Variants in ASTN1 observed in about 807,000 individuals in gnomAD.
ASTN1 encodes astrotactin 1.
In ASTN1, 41 loss-of-function variants were observed where a neutral mutation model predicts 140.7. That is an observed-to-expected ratio of 0.29 (90% CI 0.23 to 0.38). The LOEUF is 0.38. ASTN1 is among the 10% of genes least tolerant of loss of function. The pLI, the probability that ASTN1 is intolerant of heterozygous loss-of-function variation, is 1.00. For missense variants in ASTN1, 1,479 were observed against 1,678.8 expected (o/e 0.88, Z 2.08); for synonymous variants, 640 against 652.2 (o/e 0.98, Z 0.29).
Position 177,149,319 on chromosome 1 carries a change from GTA to G in ASTN1, c.283+15073_283+15074del, listed in dbSNP as rs1166727822. Among the ~76,000 whole-genome samples, 21 of 73,976 alleles carry G rather than the reference GTA, an allele frequency of 2.8e-4. No homozygotes were observed. In the Admixed American group the frequency reaches 3.1e-3, roughly 11 times the overall value. 48.5% of individuals were successfully genotyped at this position (73,976 alleles called of 152,430 possible). A position where few individuals can be genotyped will look rare whatever the true frequency, so the allele number is the denominator to read the frequency against. Reference sequence around the variant, plus strand: ...TATATATATAGTAAATATATATATAGTATATATATAGTAAATATATATATAGT... The same window carrying G: ...TATATATATAGTAAATATATATATAGTATATATAGTAAATATATATATAGT... On this transcript the variant is annotated intron_variant, in intron 1 of 22. Transcript: ENST00000361833.
chr1:176,921,977 T>G (rs1670743608), intron 16 of ASTN1, among the ~76,000 whole-genome samples: 1 of 152,202 alleles, frequency 6.6e-6, no homozygotes, highest in African/African-American at 2.4e-5. Context: ...ATTAACTGAC[T>G]GCTTGCTAGA....
chr1:177,149,361 TATATATATAGTATATATAGTAA>T lies in ASTN1; in HGVS notation c.283+15011_283+15032del, dbSNP rs1682897632. The stretch of plus-strand genomic sequence containing the variant: ...ATATATATAGTATATATATAGTAAA[TATATATATAGTATATATAGTAA>T]ATATATATAGTATATATATAGTAAA... On this transcript the variant is annotated intron_variant, in intron 1 of 22. Coordinates refer to ENST00000361833, the MANE Select transcript of ASTN1 (RefSeq NM_004319.3). Among the ~76,000 whole-genome samples, 5 of 78,640 alleles carry T rather than the reference TATATATATAGTATATATAGTAA, an allele frequency of 6.4e-5. 1 individual carries two copies. Among genetic ancestry groups the T allele is most frequent in the African/African-American group, 2.1e-4 (3 of 14,004 alleles). The allele number at this position is 78,640 out of a possible 152,430, so 51.6% of individuals were successfully genotyped here.
At chr1:177,026,644 C>T (rs925772006) in intron 5 of ASTN1, among the ~76,000 whole-genome samples, 1 of 152,166 alleles carries the variant, frequency 6.6e-6, no homozygotes, top group African/African-American at 2.4e-5. Flanking sequence ...CAAGGGTTCC[C>T]TTTTCTCCAC....
chr1:176,875,728 T>G (rs1668533341), intron 21 of ASTN1, among the ~76,000 whole-genome samples: 1 of 152,218 alleles, frequency 6.6e-6, no homozygotes, highest in South Asian at 2.1e-4. Context: ...TTGCACAACC[T>G]AAAACTTTCA....
chr1:177,017,807 CCCT>C (rs1675634318), intron 7 of ASTN1, among the ~76,000 whole-genome samples: 1 of 152,146 alleles, frequency 6.6e-6, no homozygotes, highest in Non-Finnish European at 1.5e-5. Flanking sequence ...GTGCTTGGTA[CCCT>C]GACAGTAGAC....
chr1:176,922,182 AC>A (rs988637348), intron 16 of ASTN1, among the ~76,000 whole-genome samples: 1 of 152,126 alleles, frequency 6.6e-6, no homozygotes, highest in Admixed American at 6.5e-5. Context: ...ACACAAAACT[AC>A]TAATGTTATC....
intron 21 of ASTN1, among the ~76,000 whole-genome samples, chr1:176,871,922 T>C (rs989738223): frequency 1.3e-5 from 2 of 152,074 alleles, no homozygotes; most frequent in Admixed American, 6.5e-5. Context: ...CAGGTGAAAA[T>C]ATGGCAAAGA....
chr1:176,915,362 C>T (rs1670435998), intron 16 of ASTN1, among the ~76,000 whole-genome samples: 1 of 152,152 alleles, frequency 6.6e-6, no homozygotes, highest in African/African-American at 2.4e-5. Context: ...GTTTGATGAT[C>T]AGGCAAGCAC....
At chr1:176,987,129 G>A (rs942336062) in intron 8 of ASTN1, among the ~76,000 whole-genome samples, 2 of 152,156 alleles carry the variant, frequency 1.3e-5, no homozygotes, top group Non-Finnish European at 2.9e-5. Flanking sequence ...CTCACAACAA[G>A]CAATTACCAA....
intron 18 of ASTN1, among the ~76,000 whole-genome samples, chr1:176,885,423 A>G (rs1199582667): frequency 6.6e-6 from 1 of 152,110 alleles, no homozygotes; most frequent in Non-Finnish European, 1.5e-5. Context: ...GATTTCTTGT[A>G]TGTGCCTCAG....
At chr1:177,163,509 A>G (rs2102272417) in intron 1 of ASTN1, among the ~76,000 whole-genome samples, 1 of 152,290 alleles carries the variant, frequency 6.6e-6, no homozygotes, top group South Asian at 2.1e-4. Context: ...GGGTTCCAGT[A>G]CCTGAAGTGA....
intron 5 of ASTN1, among the ~76,000 whole-genome samples, chr1:177,026,245 T>G (rs929936843): frequency 2.0e-5 from 3 of 152,148 alleles, no homozygotes; most frequent in Non-Finnish European, 2.9e-5. Flanking sequence ...TATCCTTTCA[T>G]AATACAGTCT....
intron 13 of ASTN1, among the ~76,000 whole-genome samples, chr1:176,945,357 A>G (rs1671908690): frequency 6.6e-6 from 1 of 152,242 alleles, no homozygotes; most frequent in South Asian, 2.1e-4. Flanking sequence ...TTCATTCAAT[A>G]TTAACATATT....
intron 1 of ASTN1, among the ~76,000 whole-genome samples, chr1:177,141,147 C>T (rs188468468): frequency 4.7e-3 from 723 of 152,216 alleles, no homozygotes; most frequent in Non-Finnish European, 7.9e-3. Context: ...ACCTGGAAGG[C>T]GGAGGTTGCA....
intron 2 of ASTN1, among the ~76,000 whole-genome samples, chr1:177,058,906 T>A (rs574821210): frequency 6.6e-6 from 1 of 151,582 alleles, no homozygotes; most frequent in Admixed American, 6.6e-5. Context: ...GATGGTAGGG[T>A]GCTTCCTACA....
At chr1:177,049,123 C>G (rs527728625) in intron 2 of ASTN1, among the ~76,000 whole-genome samples, 8 of 152,270 alleles carry the variant, frequency 5.3e-5, no homozygotes, top group African/African-American at 1.9e-4. Context: ...TCTGTGTCAA[C>G]CAGGGATTGC....
chr1:176,939,828 C>T (rs904207079), intron 14 of ASTN1, among the ~76,000 whole-genome samples: 1 of 106,422 alleles, frequency 9.4e-6, no homozygotes, highest in African/African-American at 3.8e-5. Flanking sequence ...GAAGGAAGGA[C>T]AGAAGAAAGG....
intron 8 of ASTN1, among the ~76,000 whole-genome samples, chr1:176,991,436 C>CAAAAAAAAAAAAAAAAAAAA (rs1173420812): frequency 3.6e-4 from 5 of 13,820 alleles, no homozygotes; most frequent in Admixed American, 9.6e-4. Flanking sequence ...AAAAAAAAAC[C>CAAAAAAAAAAAAAAAAAAAA]AAAAAAAAAA....
At chr1:176,891,340 A>T (rs1669256870) in intron 17 of ASTN1, among the ~76,000 whole-genome samples, 1 of 152,224 alleles carries the variant, frequency 6.6e-6, no homozygotes, top group African/African-American at 2.4e-5. Flanking sequence ...TCATTTATCT[A>T]TTTATGCATC....
Sources: allele counts gnomAD v4.1 joint callset (sites outside exome capture counted in the v4.1 genomes callset), GRCh38; gene constraint gnomAD v4.1.1; transcripts MANE v1.5; gene names NCBI Gene and HGNC (gene_info 2026-07-23, HGNC 2026-07-21).